The following SCN11A variants were observed in gnomAD, a reference collection of about 807,000 sequenced individuals.
SCN11A encodes the protein sodium voltage-gated channel alpha subunit 11, also known as sodium channel protein type 11 subunit alpha.
A neutral mutation model predicts 162.2 loss-of-function variants in SCN11A; 122 were observed. The ratio of observed to expected loss-of-function variants is 0.75; its 90% CI spans 0.65 to 0.87. The LOEUF (loss-of-function observed/expected upper bound fraction) is 0.87, where lower values mean the gene tolerates loss of function less well. Ranked by LOEUF, SCN11A falls within the 40% of genes least tolerant of loss-of-function variation. The pLI, the probability that SCN11A is intolerant of heterozygous loss-of-function variation, is 0.00. For synonymous variants in SCN11A, 758 were observed against 751.5 expected (o/e 1.01, Z -0.14); for missense variants, 2,015 against 2,181.6 (o/e 0.92, Z 1.52).
At chr3:39,001,296 C>T (rs908164683) in intron 2 of SCN11A, among the ~76,000 whole-genome samples, 8 of 152,212 alleles carry the variant, frequency 5.3e-5, no homozygotes, top group African/African-American at 1.7e-4. Context: ...TCTCTCCAGT[C>T]CCCAGCCCTT....
intron 10 of SCN11A, 54 bp from the exon 11 acceptor site, chr3:38,920,055 A>T: frequency 7.6e-7 from 1 of 1,317,566 alleles, no homozygotes. Flanking sequence ...TTGAAAGGAA[A>T]GAGAATAGTA....
chr3:38,929,153 A>G (rs2066197498), intron 7 of SCN11A, among the ~76,000 whole-genome samples: 1 of 126,266 alleles, frequency 7.9e-6, no homozygotes, highest in Non-Finnish European at 1.8e-5. Flanking sequence ...ACACACACAC[A>G]CACACACACA....
At chr3:38,929,128 T>TGC (rs145292640) in intron 7 of SCN11A, among the ~76,000 whole-genome samples, 5,475 of 84,084 alleles carry the variant, frequency 0.065, 381 homozygotes, top group African/African-American at 0.15. Flanking sequence ...ATACTGGGTC[T>TGC]GTGCACGCAC....
intron 26 of SCN11A, among the ~76,000 whole-genome samples, chr3:38,870,107 C>T (rs999831658): frequency 6.6e-5 from 10 of 152,154 alleles, no homozygotes; most frequent in African/African-American, 2.4e-4. Context: ...TTCTTTTTAT[C>T]CCTCAACTTT....
intron 2 of SCN11A, among the ~76,000 whole-genome samples, chr3:38,967,893 A>C (rs1433752661): frequency 6.6e-6 from 1 of 152,236 alleles, no homozygotes; most frequent in Non-Finnish European, 1.5e-5. Context: ...TCTGACTTCC[A>C]CTATTCATTC....
intron 23 of SCN11A, among the ~76,000 whole-genome samples, chr3:38,876,429 A>C (rs1207104727): frequency 3.3e-5 from 5 of 152,186 alleles, no homozygotes; most frequent in African/African-American, 9.6e-5. Context: ...ACATCCACAG[A>C]GTGGGTGAAA....
chr3:38,923,110 C>T (rs902556736), intron 9 of SCN11A, among the ~76,000 whole-genome samples: 4 of 152,144 alleles, frequency 2.6e-5, no homozygotes, highest in East Asian at 1.9e-4. Flanking sequence ...CATCCTGATC[C>T]GAAGGGCTAA....
At chr3:38,920,370 A>T (rs1359095181) in intron 10 of SCN11A, among the ~76,000 whole-genome samples, 1 of 152,120 alleles carries the variant, frequency 6.6e-6, no homozygotes, top group East Asian at 1.9e-4. Flanking sequence ...TGTAGGGTCA[A>T]CCTCAGCATG....
At chr3:38,868,294 T>C (rs1336230076) in intron 26 of SCN11A, among the ~76,000 whole-genome samples, 1 of 152,240 alleles carries the variant, frequency 6.6e-6, no homozygotes, top group East Asian at 1.9e-4. Context: ...TGAAGGTAAT[T>C]ATTTGAAAAC....
chr3:38,863,447 C>T (rs190766477), intron 27 of SCN11A, 148 bp from the exon 28 acceptor site: 21 of 544,816 alleles, frequency 3.9e-5, no homozygotes, highest in African/African-American at 2.7e-4. Flanking sequence ...TGGACCATAG[C>T]GAAATGCTGT....
intron 2 of SCN11A, among the ~76,000 whole-genome samples, chr3:39,024,266 C>A (rs1212621194): frequency 6.6e-6 from 1 of 152,160 alleles, no homozygotes; most frequent in Non-Finnish European, 1.5e-5. Context: ...AAGGGTATGA[C>A]CTAATAGTAG....
chr3:39,041,169 A>T (rs1268569047), intron 1 of SCN11A, among the ~76,000 whole-genome samples: 1 of 152,204 alleles, frequency 6.6e-6, no homozygotes, highest in Non-Finnish European at 1.5e-5. Context: ...AGAAAAAAGA[A>T]TTCAAAAAGA....
At chr3:38,879,609 T>C (rs149743411) in intron 23 of SCN11A, among the ~76,000 whole-genome samples, 1 of 152,166 alleles carries the variant, frequency 6.6e-6, no homozygotes, top group East Asian at 1.9e-4. Flanking sequence ...TGAAAAGAAA[T>C]AGAAAGTTGG....
chr3:39,014,998 G>A (rs985394683), intron 2 of SCN11A, among the ~76,000 whole-genome samples: 20 of 152,178 alleles, frequency 1.3e-4, no homozygotes, highest in African/African-American at 3.6e-4. Flanking sequence ...GTTGAGCTGA[G>A]GCATGGCCTA....
chr3:39,004,538 T>G (rs569272584), intron 2 of SCN11A, among the ~76,000 whole-genome samples: 74 of 152,312 alleles, frequency 4.9e-4, no homozygotes, highest in African/African-American at 1.6e-3. Context: ...TTTAAAATAG[T>G]TTTTTTCTAG....
intron 17 of SCN11A, among the ~76,000 whole-genome samples, chr3:38,899,052 G>A (rs984399135): frequency 6.6e-6 from 1 of 151,868 alleles, no homozygotes; most frequent in Non-Finnish European, 1.5e-5. Context: ...AATATAAAAT[G>A]TACATTTAGG....
chr3:38,964,205 A>C (rs2066766873), intron 2 of SCN11A, among the ~76,000 whole-genome samples: 1 of 152,216 alleles, frequency 6.6e-6, no homozygotes, highest in African/African-American at 2.4e-5. Flanking sequence ...GCCACACAGC[A>C]CATTGCCGTC....
intron 7 of SCN11A, among the ~76,000 whole-genome samples, chr3:38,938,286 C>G (rs867626128): frequency 6.6e-6 from 1 of 150,986 alleles, no homozygotes; most frequent in African/African-American, 2.4e-5. Flanking sequence ...TGCTAATTGA[C>G]GAGTTAATGG....
Position 38,850,622 on chromosome 3 carries a change from A to G in SCN11A, c.4186T>C (p.Ser1396Pro). Reference protein sequence around the residue: ...ESYNQPKAMKSILDHLNWVFV... With the variant: ...ESYNQPKAMKPILDHLNWVFV... The stretch of plus-strand genomic sequence containing the variant: ...ACCCAGTTGAGATGGTCAAGGATGG[A>G]TTTCATGGCTTTGGGTTGGTTGTAT... The change falls in exon 29 of 30, where the codon TCC becomes CCC. Residue 1396 changes from serine (S) to proline (P), a missense_variant. Physicochemically the swap from Ser to Pro is moderately conservative, Grantham distance 74. Coordinates refer to ENST00000302328, the MANE Select transcript of SCN11A (RefSeq NM_001349253.2). The G allele has an allele frequency of 6.2e-7, 1 of 1,614,010 alleles. No homozygotes were observed.
Sources: allele counts gnomAD v4.1 joint callset (sites outside exome capture counted in the v4.1 genomes callset), GRCh38; gene constraint gnomAD v4.1.1; transcripts MANE v1.5; gene names NCBI Gene and HGNC (gene_info 2026-07-23, HGNC 2026-07-21).